The following ASCL5 variants were observed in gnomAD, a reference collection of about 807,000 sequenced individuals.
ASCL5 encodes achaete-scute homolog 5.
For synonymous variants in ASCL5, 124 were observed against 131.5 expected, an observed-to-expected ratio of 0.94 and a Z score of 0.39; for missense variants, 262 against 268.9, an observed-to-expected ratio of 0.97 and a Z score of 0.18.
intron 1 of ASCL5, among the ~76,000 whole-genome samples, chr1:201,124,043 G>A (rs565582524): frequency 6.6e-6 from 1 of 152,314 alleles, no homozygotes; most frequent in African/African-American, 2.4e-5. Flanking sequence ...TGCAATTCCT[G>A]TTCTCATCAT....
intron 1 of ASCL5, among the ~76,000 whole-genome samples, chr1:201,116,459 C>T (rs1354632685): frequency 6.6e-6 from 1 of 152,212 alleles, no homozygotes; most frequent in Non-Finnish European, 1.5e-5. Flanking sequence ...CACCCTCTCA[C>T]CCCACCCTGG....
intron 1 of ASCL5, among the ~76,000 whole-genome samples, chr1:201,123,422 G>A (rs10753889): frequency 0.24 from 36,343 of 152,090 alleles, 5,323 homozygotes; most frequent in African/African-American, 0.42. Context: ...GCCCACACAT[G>A]CCTAGCACTT....
intron 1 of ASCL5, among the ~76,000 whole-genome samples, chr1:201,120,030 G>A (rs1663419347): frequency 1.3e-5 from 2 of 152,186 alleles, no homozygotes; most frequent in African/African-American, 2.4e-5. Flanking sequence ...AGTAACTGCT[G>A]TTCCTCCCCA....
Position 201,114,532 on chromosome 1 carries a change from G to C in ASCL5, c.*220C>G. 2.6e-6 allele frequency: 1 copy of C among 381,370 alleles called. No homozygotes were observed. Among genetic ancestry groups the C allele is most frequent in the Non-Finnish European group, 4.5e-6 (1 of 219,790 alleles). The allele number at this position is 381,370 out of a possible 1,614,324, so 23.6% of individuals were successfully genotyped here. ...GGCCCTGCCCCTCGCTTCACCCACG[G>C]AGCTCCTAGGTCTCTATCGTGCCCA... On this transcript the variant is annotated 3_prime_UTR_variant, in exon 2 of 2. Coordinates refer to ENST00000449188, the MANE Select transcript of ASCL5 (RefSeq NM_001270601.2).
In ASCL5 at chr1:201,115,549, G is replaced by T. The variant is rs1451870768; in HGVS notation, c.-177C>A. The T allele has an allele frequency of 2.4e-6, 1 of 420,178 alleles. No individual in the cohort carries two copies. The highest frequency in any genetic ancestry group is 4.0e-6 in the Non-Finnish European group (1 of 247,930). 26.0% of individuals were successfully genotyped at this position (420,178 alleles called of 1,614,324 possible). On this transcript the variant is annotated 5_prime_UTR_variant, in exon 2 of 2. Coordinates refer to ENST00000449188, the MANE Select transcript of ASCL5 (RefSeq NM_001270601.2). ...GGCTTCCAATGACTCCCTAACAAGA[G>T]CCATCGCCCTAGACAAGTGTGGCCC...
At position 201,119,999 on chromosome 1, in the gene ASCL5, G is replaced by T. The variant is rs918280462; in HGVS notation, c.-505-4122C>A. Among the ~76,000 whole-genome samples, 52 of 152,266 alleles carry T rather than the reference G, an allele frequency of 3.4e-4. 1 individual carries two copies. The highest frequency in any genetic ancestry group is 1.2e-3 in the African/African-American group (51 of 41,538). ...GTTTACTTTGCCCTGGGAAGCAGCC[G>T]AGCAGATGTGCTTGGCAGGAAGTAA... is the stretch of plus-strand genomic sequence containing the variant. On this transcript the variant is annotated intron_variant, in intron 1 of 1. Transcript: ENST00000449188.
At chr1:201,122,862 C>T (rs1218590042) in intron 1 of ASCL5, among the ~76,000 whole-genome samples, 1 of 152,154 alleles carries the variant, frequency 6.6e-6, no homozygotes, top group African/African-American at 2.4e-5. Flanking sequence ...AGCTTTAGGC[C>T]AGTTACTGAC....
Position 201,114,925 on chromosome 1 carries a change from CG to C in ASCL5, c.447del (p.Ala150LeufsTer69), listed in dbSNP as rs1184004486. On this transcript the variant is annotated frameshift_variant, in exon 2 of 2. Coordinates refer to ENST00000449188, the MANE Select transcript of ASCL5 (RefSeq NM_001270601.2). LOFTEE classifies it low-confidence loss of function (END_TRUNC). ...CCGGTGCCCGGGAGGCCGCGGGAAGCGGGGGGCGTCGAGCCGTCGGGGGCCG... is the reference window on the plus strand; with the variant it reads ...CCGGTGCCCGGGAGGCCGCGGGAAGCGGGGGCGTCGAGCCGTCGGGGGCCG... ...LSSAPDGSTP[P>X]ASRGLPGTGP... 34 of 1,230,732 alleles carry C rather than the reference CG, an allele frequency of 2.8e-5. No individual in the cohort carries two copies. Among genetic ancestry groups the C allele is most frequent in the Non-Finnish European group, 3.4e-5 (34 of 987,334 alleles). The allele number at this position is 1,230,732 out of a possible 1,614,324, so 76.2% of individuals were successfully genotyped here. A position where few individuals can be genotyped will look rare whatever the true frequency, so the allele number is the denominator to read the frequency against.
chr1:201,118,234 C>T (rs915773235), intron 1 of ASCL5, among the ~76,000 whole-genome samples: 9 of 152,272 alleles, frequency 5.9e-5, no homozygotes, highest in African/African-American at 1.7e-4. Flanking sequence ...AATCCCGGCA[C>T]TTTGTGAGGC....
intron 1 of ASCL5, among the ~76,000 whole-genome samples, chr1:201,120,115 A>T (rs1663422562): frequency 6.6e-6 from 1 of 152,204 alleles, no homozygotes; most frequent in Admixed American, 6.5e-5. Flanking sequence ...ATGTACAGTT[A>T]GTTTGTTTAG....
chr1:201,116,397 GC>G (rs1395153038), intron 1 of ASCL5, among the ~76,000 whole-genome samples: 1 of 152,088 alleles, frequency 6.6e-6, no homozygotes, highest in Non-Finnish European at 1.5e-5. Flanking sequence ...CCTCTGCCTG[GC>G]AGAGACAGTC....
chr1:201,125,416 C>T (rs1663561244), intron 1 of ASCL5, among the ~76,000 whole-genome samples: 1 of 152,218 alleles, frequency 6.6e-6, no homozygotes, highest in Non-Finnish European at 1.5e-5. Flanking sequence ...TCCCCTCTAG[C>T]CCATGTTCAC....
Position 201,114,788 on chromosome 1 carries a change from C to A in ASCL5, c.585G>T (p.Pro195=). The part of the protein sequence containing the change: ...PESSESSCFS[P]SPFLESEESW... ...ATTCCTCCGACTCCAAGAAAGGCGA[C>A]GGGGAGAAGCAGGAGGACTCGGATG... Residue 195 remains proline (P), a synonymous_variant, in exon 2 of 2, where the codon CCG becomes CCT. Transcript: ENST00000449188. 8.3e-7 allele frequency: 1 copy of A among 1,208,712 alleles called. No homozygotes were observed. Among genetic ancestry groups the A allele is most frequent in the Non-Finnish European group, 1.0e-6 (1 of 973,618 alleles). The allele number at this position is 1,208,712 out of a possible 1,614,324, so 74.9% of individuals were successfully genotyped here.
chr1:201,114,917 G>A lies in ASCL5; in HGVS notation c.456C>T (p.Arg152=). The A allele has an allele frequency of 1.6e-6, 2 of 1,230,438 alleles. No homozygotes were observed. 76.2% of individuals were successfully genotyped at this position (1,230,438 alleles called of 1,614,324 possible). The change falls in exon 2 of 2, where the codon CGC becomes CGT. Residue 152 remains arginine, a synonymous_variant. Coordinates refer to ENST00000449188, the MANE Select transcript of ASCL5 (RefSeq NM_001270601.2). Reference sequence around the variant, plus strand: ...GGCAGGGCCCGGTGCCCGGGAGGCCGCGGGAAGCGGGGGGCGTCGAGCCGT... The same window carrying A: ...GGCAGGGCCCGGTGCCCGGGAGGCCACGGGAAGCGGGGGGCGTCGAGCCGT... The part of the protein sequence containing the change: ...APDGSTPPAS[R]GLPGTGPCPA...
intron 1 of ASCL5, among the ~76,000 whole-genome samples, chr1:201,122,905 A>G (rs1482074883): frequency 6.6e-6 from 1 of 152,218 alleles, no homozygotes; most frequent in Non-Finnish European, 1.5e-5. Context: ...CTGAAAAGTG[A>G]AGGTAATAAT....
At chr1:201,116,877 CGAGT>C (rs1415862561) in intron 1 of ASCL5, among the ~76,000 whole-genome samples, 1 of 152,104 alleles carries the variant, frequency 6.6e-6, no homozygotes, top group Admixed American at 6.5e-5. Context: ...CAGGACTTAG[CGAGT>C]GAGTGAGTGA....
In ASCL5 at chr1:201,124,497, TCTCA is replaced by T. The variant is rs144796504; in HGVS notation, c.-506+2583_-506+2586del. On this transcript the variant is annotated intron_variant, in intron 1 of 1. Transcript: ENST00000449188. ...CTCAGGGGAACAGAGGAAAAAGGAT[TCTCA>T]CTCCTTTCTCTACAAAAAGGAGTAT... is the stretch of plus-strand genomic sequence containing the variant. Among the ~76,000 whole-genome samples, 686 of 152,326 alleles carry T rather than the reference TCTCA, an allele frequency of 4.5e-3. 5 individuals are homozygous for T. The highest frequency in any genetic ancestry group is 0.017 in the Middle Eastern group (5 of 294).
In ASCL5 at chr1:201,124,448, C is replaced by G. The variant is rs143608267; in HGVS notation, c.-506+2636G>C. On this transcript the variant is annotated intron_variant, in intron 1 of 1. Transcript: ENST00000449188. Reference sequence around the variant, plus strand: ...AGTGCCAAGCTCAAGCAGAGTCATGCCCTGGGGCCCATATTATTGCCAACT... The same window carrying G: ...AGTGCCAAGCTCAAGCAGAGTCATGGCCTGGGGCCCATATTATTGCCAACT... 2.2e-3 allele frequency among the ~76,000 whole-genome samples: 342 copies of G among 152,358 alleles called. 2 individuals are homozygous for G. Among genetic ancestry groups the G allele is most frequent in the Middle Eastern group, 0.01 (3 of 294 alleles).
rs780018087 is a variant in ASCL5 at position 201,119,961 on chromosome 1, CA to C, written c.-505-4085del. On this transcript the variant is annotated intron_variant, in intron 1 of 1. Transcript: ENST00000449188. ...TGCCCTCAGCAACCCCATTCATTAC[CA>C]GCTGTACTCTAGTTTACTTTGCCCT... Among the ~76,000 whole-genome samples, 274 of 152,258 alleles carry C rather than the reference CA, an allele frequency of 1.8e-3. 2 individuals carry two copies. Among genetic ancestry groups the C allele is most frequent in the Non-Finnish European group, 1.7e-3 (118 of 68,020 alleles).
Sources: allele counts gnomAD v4.1 joint callset (sites outside exome capture counted in the v4.1 genomes callset), GRCh38; gene constraint gnomAD v4.1.1; transcripts MANE v1.5; gene names NCBI Gene and HGNC (gene_info 2026-07-23, HGNC 2026-07-21).